Variants in TCFL5 observed in about 807,000 individuals in gnomAD.
The protein encoded by TCFL5 is transcription factor like 5.
TCFL5 carries 9 observed loss-of-function variants against 44.3 expected under a neutral mutation model. The ratio of observed to expected loss-of-function variants is 0.20; its 90% CI spans 0.12 to 0.35. The LOEUF (loss-of-function observed/expected upper bound fraction) is 0.35, where lower values mean the gene tolerates loss of function less well. Among genes scored for constraint, TCFL5 ranks in the 10% least tolerant of loss-of-function variants. TCFL5 has a pLI of 1.00. For synonymous variants in TCFL5, 319 were observed against 271.6 expected, an observed-to-expected ratio of 1.17 and a Z score of -1.72; for missense variants, 603 against 613.4, an observed-to-expected ratio of 0.98 and a Z score of 0.18.
chr20:62,861,046 C>G lies in TCFL5; in HGVS notation c.625G>C (p.Glu209Gln). 1.0e-6 allele frequency: 1 copy of G among 994,706 alleles called. No homozygotes were observed. The allele number at this position is 994,706 out of a possible 1,614,324, so 61.6% of individuals were successfully genotyped here. Reference sequence around the variant, plus strand: ...CACTTGTTGAGCGCCCCGCCCGGCTCGGGGGGCTCGGGGCCGCGCGGCGCG... The same window carrying G: ...CACTTGTTGAGCGCCCCGCCCGGCTGGGGGGGCTCGGGGCCGCGCGGCGCG... ...PPAPRGPEPP[E>Q]PGGALNNLVT... Residue 209 changes from glutamate to glutamine, a missense_variant, in exon 1 of 6, where the codon GAG (glutamate) becomes CAG (glutamine). This residue lies in a region of TCFL5 where 540 missense variants were observed against 478.7 expected (regional missense o/e 1.13). Transcript: ENST00000335351. This position sits in a 1 kb window ranked among gnomAD's most constrained non-coding sequence, Gnocchi z 4.0.
rs971329006 is a variant in TCFL5 at position 62,842,202 on chromosome 20, G to C, written c.1381-105C>G. On this transcript the variant is annotated intron_variant, in intron 5 of 5. Coordinates refer to ENST00000335351, the MANE Select transcript of TCFL5 (RefSeq NM_006602.4). This position sits in a 1 kb window ranked among gnomAD's most constrained non-coding sequence, Gnocchi z 4.3. ...ATTAAGAGCTAAGTAAATGACTTTA[G>C]AATACGCTGTTTTAAGGTGTCATTC... is the stretch of plus-strand genomic sequence containing the variant. 1.4e-6 allele frequency: 2 copies of C among 1,432,260 alleles called. No individual in the cohort carries two copies. The highest frequency in any genetic ancestry group is 2.8e-5 in the African/African-American group (2 of 70,416). The allele number at this position is 1,432,260 out of a possible 1,614,324, so 88.7% of individuals were successfully genotyped here.
chr20:62,854,496 TTG>T (rs2063857957), intron 4 of TCFL5, among the ~76,000 whole-genome samples: 1 of 152,224 alleles, frequency 6.6e-6, no homozygotes, highest in Non-Finnish European at 1.5e-5. Context: ...AAGCAACATT[TTG>T]TGTCTGACAC....
At chr20:62,853,859 A>G (rs3765463) in intron 5 of TCFL5, among the ~76,000 whole-genome samples, 157 bp downstream of exon 5, 39,936 of 152,144 alleles carry the variant, frequency 0.26, 5,359 homozygotes, top group Middle Eastern at 0.32. Flanking sequence ...ATGACAAGTT[A>G]TATCATTAAA....
chr20:62,857,153 T>C lies in TCFL5; in HGVS notation c.1238+242A>G, dbSNP rs114066021. Among the ~76,000 whole-genome samples the C allele has an allele frequency of 6.9e-3, 1,054 of 152,212 alleles. 12 individuals carry two copies. The highest frequency in any genetic ancestry group is 0.024 in the African/African-American group (999 of 41,532). ...TTTGCTGATCGCACCTGGCATCCTT[T>C]CTCCATAGTAAGTCACAGCCTGAGA... On this transcript the variant is annotated intron_variant, in intron 4 of 5. Transcript: ENST00000335351.
At chr20:62,851,380 T>C in intron 5 of TCFL5, 1 of 281,972 alleles carries the variant, frequency 3.5e-6, no homozygotes, top group South Asian at 1.4e-4. Flanking sequence ...TCTTTGACTA[T>C]ACATACAATT....
chr20:62,844,971 G>A (rs1439734727), intron 5 of TCFL5: 2 of 985,254 alleles, frequency 2.0e-6, no homozygotes, highest in African/African-American at 3.5e-5. Context: ...GCGCCATGCT[G>A]CCATGGATTT....
intron 5 of TCFL5, among the ~76,000 whole-genome samples, chr20:62,844,652 A>ACTGCAACCTCCACCTCC (rs1568774415): frequency 1.4e-5 from 2 of 147,754 alleles, no homozygotes; most frequent in East Asian, 2.0e-4. Context: ...ATCTCAGCTC[A>ACTGCAACCTCCACCTCC]CTGCAACCTC....
At chr20:62,852,771 A>G (rs951361501) in intron 5 of TCFL5, 3 of 1,287,482 alleles carry the variant, frequency 2.3e-6, no homozygotes, top group Admixed American at 4.6e-5. Context: ...ATATTCACCC[A>G]TTCCACAGAA....
rs1568785716 is a variant in TCFL5, at chr20:62,853,166, AAAGTATAGTCACCCAGTCCACAG to A, written c.1380+827_1380+849del. Among the ~76,000 whole-genome samples the A allele has an allele frequency of 4.9e-5, 7 of 143,090 alleles. No individual in the cohort carries two copies. In the East Asian group the frequency reaches 8.1e-4, roughly 17 times the overall value. 93.9% of individuals were successfully genotyped at this position (143,090 alleles called of 152,430 possible). On this transcript the variant is annotated intron_variant, in intron 5 of 5. Transcript: ENST00000335351. Reference sequence around the variant, plus strand: ...CCACAGTATAGTCACCCAGTCCACAAAAGTATAGTCACCCAGTCCACAGAAGTATAGTCACCCAGTCCACAGAA... The same window carrying A: ...CCACAGTATAGTCACCCAGTCCACAAAAGTATAGTCACCCAGTCCACAGAA...
Position 62,857,384 on chromosome 20 carries a change from A to G in TCFL5, c.1238+11T>C, listed in dbSNP as rs1337539857. ...ATATGAGTCAGCCTGACAAGCAGTC[A>G]CACGTATTACCTTCTATCTCTTTCC... On this transcript the variant is annotated intron_variant, in intron 4 of 5. Transcript: ENST00000335351. 3 of 1,613,152 alleles carry G rather than the reference A, an allele frequency of 1.9e-6. No homozygotes were observed. The highest frequency in any genetic ancestry group is 2.5e-6 in the Non-Finnish European group (3 of 1,179,380).
intron 4 of TCFL5, 94 bp downstream of exon 4, chr20:62,857,301 C>G: frequency 2.6e-6 from 4 of 1,516,254 alleles, no homozygotes; most frequent in Non-Finnish European, 3.6e-6. Flanking sequence ...TCCCTCTGAA[C>G]GCAGAAACGG....
At position 62,861,000 on chromosome 20, in the gene TCFL5, AGCCCCCGGCC is replaced by A; in HGVS notation, c.647+14_647+23del. The stretch of plus-strand genomic sequence containing the variant: ...CCTCGGCCTCCACCCGGGCCCCGCC[AGCCCCCGGCC>A]GCCGGGCACGCACTTGTTGAGCGCC... On this transcript the variant is annotated intron_variant, in intron 1 of 5. Coordinates refer to ENST00000335351, the MANE Select transcript of TCFL5 (RefSeq NM_006602.4). The A allele has an allele frequency of 1.0e-6, 1 of 991,568 alleles. No homozygotes were observed. Among genetic ancestry groups the A allele is most frequent in the Non-Finnish European group, 1.2e-6 (1 of 834,894 alleles). 61.4% of individuals were successfully genotyped at this position (991,568 alleles called of 1,614,324 possible). A position where few individuals can be genotyped will look rare whatever the true frequency, so the allele number is the denominator to read the frequency against.
intron 1 of TCFL5, 41 bp downstream of exon 1, chr20:62,860,983 T>TCCACCC: frequency 1.0e-6 from 1 of 990,534 alleles, no homozygotes; most frequent in Non-Finnish European, 1.2e-6. Context: ...GGCCTCGGCC[T>TCCACCC]CCACCCGGGC....
At chr20:62,853,114 CG>C (rs2063837060) in intron 5 of TCFL5, among the ~76,000 whole-genome samples, 1 of 149,538 alleles carries the variant, frequency 6.7e-6, no homozygotes, top group Non-Finnish European at 1.5e-5. Context: ...CATAGTCACC[CG>C]GTCCACAGAA....
intron 5 of TCFL5, chr20:62,852,920 G>C: frequency 7.8e-7 from 1 of 1,288,090 alleles, no homozygotes; most frequent in Non-Finnish European, 1.0e-6. Context: ...GTCAGCAGAA[G>C]TATATTCACC....
intron 3 of TCFL5, among the ~76,000 whole-genome samples, chr20:62,858,956 CT>C (rs1568794387): frequency 9.2e-5 from 14 of 151,930 alleles, no homozygotes; most frequent in African/African-American, 3.1e-4. Flanking sequence ...CCTGGCAGCC[CT>C]AATAGGGTCC....
chr20:62,843,378 A>G (rs1352944739), intron 5 of TCFL5, among the ~76,000 whole-genome samples: 1 of 152,110 alleles, frequency 6.6e-6, no homozygotes, highest in Non-Finnish European at 1.5e-5. Context: ...TTTCTTTCGG[A>G]AGATATATTT....
chr20:62,843,690 GCCA>G (rs938801589), intron 5 of TCFL5, among the ~76,000 whole-genome samples: 5 of 152,124 alleles, frequency 3.3e-5, no homozygotes, highest in Non-Finnish European at 5.9e-5. Flanking sequence ...CTGTGCAGCC[GCCA>G]CCACCTTTTC....
At chr20:62,846,778 A>AG (rs1208088712) in intron 5 of TCFL5, among the ~76,000 whole-genome samples, 8 of 151,932 alleles carry the variant, frequency 5.3e-5, no homozygotes, top group Non-Finnish European at 8.8e-5. Flanking sequence ...AAAAAAAAAA[A>AG]AGAGAGAAAG....
Sources: gnomAD v4.1 joint callset for allele counts (sites outside exome capture counted in the v4.1 genomes callset) on GRCh38, gnomAD v4.1.1 for gene constraint, gnomAD v4.1.1 regional missense constraint, Gnocchi (gnomAD v3.1) non-coding constraint, MANE v1.5 for transcripts, NCBI Gene and HGNC (gene_info 2026-07-23, HGNC 2026-07-21) for gene names.